FHOD3: variants seen among roughly 807,000 people sequenced by gnomAD.
FHOD3 encodes FH1/FH2 domain-containing protein 3.
FHOD3 carries 90 observed loss-of-function variants against 173.0 expected under a neutral mutation model. The ratio of observed to expected loss-of-function variants is 0.52; its 90% CI spans 0.44 to 0.62. The LOEUF is 0.62. Ranked by LOEUF, FHOD3 falls within the 20% of genes least tolerant of loss-of-function variation. FHOD3 has a pLI of 0.00. For missense variants in FHOD3, 1,945 were observed against 2,034.7 expected (o/e 0.96, Z 0.85); for synonymous variants, 828 against 823.0 (o/e 1.01, Z -0.10).
At chr18:36,453,472 A>G (rs779062692) in intron 3 of FHOD3, among the ~76,000 whole-genome samples, 2 of 152,362 alleles carry the variant, frequency 1.3e-5, no homozygotes, top group South Asian at 4.1e-4. Flanking sequence ...CTCACTGCAC[A>G]TGGCTTTTAC....
At chr18:36,540,127 A>G (rs1457690079) in intron 5 of FHOD3, among the ~76,000 whole-genome samples, 1 of 152,212 alleles carries the variant, frequency 6.6e-6, no homozygotes, top group Non-Finnish European at 1.5e-5. Flanking sequence ...GATATTAGAC[A>G]GGTTTGTAGG....
intron 3 of FHOD3, among the ~76,000 whole-genome samples, chr18:36,494,093 T>C (rs1394327662): frequency 6.6e-6 from 1 of 152,140 alleles, no homozygotes; most frequent in Non-Finnish European, 1.5e-5. Flanking sequence ...ATTTTTCTCA[T>C]TGGGCCCTTC....
intron 3 of FHOD3, among the ~76,000 whole-genome samples, chr18:36,453,065 GA>G (rs1379720242): frequency 6.6e-6 from 1 of 151,888 alleles, no homozygotes; most frequent in Non-Finnish European, 1.5e-5. Context: ...GGATACTAGG[GA>G]AAACTGTATG....
intron 3 of FHOD3, among the ~76,000 whole-genome samples, chr18:36,422,922 A>G (rs1407812622): frequency 1.3e-5 from 2 of 152,146 alleles, no homozygotes; most frequent in Non-Finnish European, 2.9e-5. Flanking sequence ...ACATTTTACC[A>G]TGTCACCATT....
chr18:36,315,181 C>T (rs773169738), intron 1 of FHOD3, among the ~76,000 whole-genome samples: 1 of 152,164 alleles, frequency 6.6e-6, no homozygotes, highest in Non-Finnish European at 1.5e-5. Context: ...TCCACATAGT[C>T]GATTCATATT....
chr18:36,670,987 C>T (rs550708593), intron 14 of FHOD3, among the ~76,000 whole-genome samples: 1 of 152,364 alleles, frequency 6.6e-6, no homozygotes, highest in East Asian at 1.9e-4. Flanking sequence ...TTCTCTGTAA[C>T]TGTTGGGAAC....
chr18:36,715,845 A>G (rs989850085), intron 18 of FHOD3, among the ~76,000 whole-genome samples: 1 of 152,236 alleles, frequency 6.6e-6, no homozygotes, highest in Non-Finnish European at 1.5e-5. Context: ...TTGAGTAAAG[A>G]CAAGAGGTCA....
At chr18:36,571,567 A>G (rs2058452931) in intron 5 of FHOD3, among the ~76,000 whole-genome samples, 1 of 152,316 alleles carries the variant, frequency 6.6e-6, no homozygotes, top group African/African-American at 2.4e-5. Context: ...GGCTGAACCA[A>G]TTTTGAAAAA....
At chr18:36,394,009 A>T (rs748655653) in intron 3 of FHOD3, among the ~76,000 whole-genome samples, 1 of 152,234 alleles carries the variant, frequency 6.6e-6, no homozygotes, top group Non-Finnish European at 1.5e-5. Flanking sequence ...TGAGGGAACC[A>T]TGGGAGAAAA....
chr18:36,401,421 CTAAAG>C (rs1405754359), intron 3 of FHOD3, among the ~76,000 whole-genome samples: 1 of 152,174 alleles, frequency 6.6e-6, no homozygotes, highest in Non-Finnish European at 1.5e-5. Context: ...ATTACCCAGT[CTAAAG>C]TATTTTGTTA....
intron 3 of FHOD3, among the ~76,000 whole-genome samples, chr18:36,494,255 C>T (rs538205325): frequency 3.9e-5 from 6 of 152,156 alleles, no homozygotes; most frequent in Non-Finnish European, 7.3e-5. Context: ...CAGGAATGGT[C>T]CCCAGGGGTC....
intron 14 of FHOD3, among the ~76,000 whole-genome samples, chr18:36,664,844 A>T (rs1600149587): frequency 1.3e-5 from 2 of 150,418 alleles, no homozygotes; most frequent in East Asian, 3.9e-4. Flanking sequence ...CTTCAGAAAA[A>T]TGTATTACTG....
intron 14 of FHOD3, among the ~76,000 whole-genome samples, chr18:36,666,004 G>C (rs878924465): frequency 6.6e-6 from 1 of 152,210 alleles, no homozygotes; most frequent in Non-Finnish European, 1.5e-5. Flanking sequence ...AAGAACTGCT[G>C]TATGCCAAAG....
chr18:36,516,117 T>G (rs1386014648), intron 5 of FHOD3, among the ~76,000 whole-genome samples: 2 of 151,936 alleles, frequency 1.3e-5, no homozygotes, highest in Admixed American at 6.6e-5. Flanking sequence ...TCACGTAGGC[T>G]TTTTTTTAAG....
intron 6 of FHOD3, among the ~76,000 whole-genome samples, chr18:36,591,353 G>A (rs1036341434): frequency 3.9e-5 from 6 of 152,114 alleles, no homozygotes; most frequent in African/African-American, 7.2e-5. Flanking sequence ...TGCCCTCATC[G>A]CAATGGTTGG....
chr18:36,573,005 G>A (rs1256102658), intron 5 of FHOD3, among the ~76,000 whole-genome samples: 1 of 151,528 alleles, frequency 6.6e-6, no homozygotes, highest in Non-Finnish European at 1.5e-5. Context: ...AGAATGTGCC[G>A]AATTCTTGGA....
chr18:36,723,184 A>G (rs1191933449), intron 19 of FHOD3, among the ~76,000 whole-genome samples: 2 of 152,202 alleles, frequency 1.3e-5, no homozygotes, highest in Admixed American at 6.5e-5. Context: ...AACTGAATTC[A>G]TGCAGGAAGT....
chr18:36,656,818 A>T (rs1366214106), intron 13 of FHOD3, among the ~76,000 whole-genome samples: 1 of 152,202 alleles, frequency 6.6e-6, no homozygotes, highest in African/African-American at 2.4e-5. Context: ...ATAATATATC[A>T]TACTTTCGTA....
At position 36,612,012 on chromosome 18, in the gene FHOD3, C is replaced by A. The variant is rs1461504305; in HGVS notation, c.874C>A (p.Leu292Met). The change falls in exon 9 of 29, where the codon CTG (leucine) becomes ATG (methionine). Residue 292 changes from leucine to methionine, a missense_variant. Coordinates refer to ENST00000590592, the MANE Select transcript of FHOD3 (RefSeq NM_001281740.3). ...FYDVVDCLEE[L>M]GIAAVSQRHL... ...CGACGTCGTGGACTGCCTGGAGGAG[C>A]TGGGCATTGCTGCTGTGTCCCAGAG... 1.9e-6 allele frequency: 3 copies of A among 1,614,162 alleles called. No homozygotes were observed. The highest frequency in any genetic ancestry group is 2.5e-6 in the Non-Finnish European group (3 of 1,180,032).
Sources: allele counts gnomAD v4.1 joint callset (sites outside exome capture counted in the v4.1 genomes callset), GRCh38; gene constraint gnomAD v4.1.1; transcripts MANE v1.5; gene names NCBI Gene and HGNC (gene_info 2026-07-23, HGNC 2026-07-21).